Variants in TRIM2 observed in about 807,000 individuals in gnomAD.
TRIM2 encodes tripartite motif containing 2.
Under a neutral mutation model 75.2 loss-of-function variants are expected in TRIM2, and 20 were observed. The ratio of observed to expected loss-of-function variants is 0.27; its 90% CI spans 0.19 to 0.39. TRIM2 has a LOEUF of 0.39. TRIM2 is among the 10% of genes least tolerant of loss of function. TRIM2 has a pLI of 1.00. For synonymous variants in TRIM2, 373 were observed against 388.3 expected (o/e 0.96, Z 0.46); for missense variants, 660 against 990.8 (o/e 0.67, Z 4.48).
At chr4:153,203,667 G>A (rs944546675), upstream of TRIM2, among the ~76,000 whole-genome samples, 46 of 151,866 alleles carry the variant, frequency 3.0e-4, no homozygotes, top group African/African-American at 1.0e-3. Context: ...CAAGGCGGGC[G>A]GATCACTTGA....
At chr4:153,200,724 A>AAAAAATAT (rs1405991305), upstream of TRIM2, among the ~76,000 whole-genome samples, 9 of 138,124 alleles carry the variant, frequency 6.5e-5, no homozygotes, top group African/African-American at 2.1e-4. Flanking sequence ...AAGAAAAAAA[A>AAAAAATAT]ATATATATAT....
intron 1 of TRIM2, among the ~76,000 whole-genome samples, chr4:153,205,510 C>G (rs149022154): frequency 4.8e-4 from 73 of 152,196 alleles, no homozygotes; most frequent in African/African-American, 1.7e-3. Context: ...TCCTCCTCCT[C>G]CTGCTGAAAA....
In TRIM2 at chr4:153,295,258, C is replaced by T. The variant is rs1256055361; in HGVS notation, c.787-55C>T. 1.5e-5 allele frequency: 23 copies of T among 1,488,240 alleles called. No homozygotes were observed. Among genetic ancestry groups the T allele is most frequent in the East Asian group, 4.8e-5 (2 of 41,368 alleles). The allele number at this position is 1,488,240 out of a possible 1,614,324, so 92.2% of individuals were successfully genotyped here. A position where few individuals can be genotyped will look rare whatever the true frequency, so the allele number is the denominator to read the frequency against. ...TTCTCGCCGGTGGAGGGCACTGCCC[C>T]GGGCTAGGCCCCGCCCTGTGGGACG... On this transcript the variant is annotated intron_variant, in intron 5 of 11. Transcript: ENST00000338700. This position sits in a 1 kb window ranked among gnomAD's most constrained non-coding sequence, Gnocchi z 7.2.
chr4:153,276,646 T>C (rs1182748225), intron 3 of TRIM2, among the ~76,000 whole-genome samples: 1 of 152,200 alleles, frequency 6.6e-6, no homozygotes, highest in Non-Finnish European at 1.5e-5. Context: ...ACAATAACTG[T>C]TAGAAGCTCA....
chr4:153,175,032 A>C (rs1384456249), intron 1 of TRIM2, among the ~76,000 whole-genome samples: 1 of 151,168 alleles, frequency 6.6e-6, no homozygotes, highest in Non-Finnish European at 1.5e-5. Flanking sequence ...TTTTTGAGAC[A>C]GAGTTTTGCT....
At chr4:153,152,294 T>C (rs1373863966), upstream of TRIM2, 1 of 151,888 alleles carries the variant, frequency 6.6e-6, no homozygotes, top group African/African-American at 2.4e-5. Flanking sequence ...TGCGGCTGGC[T>C]GGGCCTCGCG....
chr4:153,329,636 G>C (rs1467527867), intron 11 of TRIM2, among the ~76,000 whole-genome samples: 1 of 151,802 alleles, frequency 6.6e-6, no homozygotes, highest in Non-Finnish European at 1.5e-5. Context: ...AGGAGTTCGA[G>C]ACAAGCTCGG....
intron 11 of TRIM2, among the ~76,000 whole-genome samples, chr4:153,329,634 G>A (rs546851778): frequency 4.0e-4 from 61 of 151,808 alleles, no homozygotes; most frequent in African/African-American, 1.5e-3. Context: ...TCAGGAGTTC[G>A]AGACAAGCTC....
At chr4:153,155,903 T>C (rs887904937) in intron 1 of TRIM2, among the ~76,000 whole-genome samples, 1 of 152,142 alleles carries the variant, frequency 6.6e-6, no homozygotes, top group Non-Finnish European at 1.5e-5. Context: ...GCAGGGAGCA[T>C]AGATATCCAA....
intron 1 of TRIM2, among the ~76,000 whole-genome samples, chr4:153,175,256 G>A (rs1298826645): frequency 6.6e-6 from 1 of 151,998 alleles, no homozygotes; most frequent in Admixed American, 6.6e-5. Flanking sequence ...TGCTGACCTC[G>A]TGATCCACCC....
At chr4:153,298,494 C>T (rs1047039407) in intron 6 of TRIM2, among the ~76,000 whole-genome samples, 2 of 152,120 alleles carry the variant, frequency 1.3e-5, no homozygotes, top group Non-Finnish European at 2.9e-5. Context: ...TATAAGAACA[C>T]CAATCATACT....
chr4:153,308,630 C>T (rs1173082532), intron 6 of TRIM2: 2 of 616,110 alleles, frequency 3.2e-6, no homozygotes, highest in Non-Finnish European at 6.3e-6. Context: ...GTCTTGATGG[C>T]CATTTCAATG....
chr4:153,296,165 A>G (rs1011469860), intron 6 of TRIM2, 129 bp downstream of exon 6: 1 of 1,190,584 alleles, frequency 8.4e-7, no homozygotes. Flanking sequence ...ATGTACTGCT[A>G]TAAAATTTGA....
Position 153,268,704 on chromosome 4 carries a change from G to A in TRIM2, c.31-1631G>A, listed in dbSNP as rs1028687281. ...CCAGGAATTCTTTAAGGTGGTAAAA[G>A]GAGCTGTGTTTTGTGTTGTAACTTT... is the stretch of plus-strand genomic sequence containing the variant. On this transcript the variant is annotated intron_variant, in intron 1 of 11. Transcript: ENST00000338700. 4.6e-5 allele frequency among the ~76,000 whole-genome samples: 7 copies of A among 152,270 alleles called. No individual in the cohort carries two copies. The South Asian group carries it at 1.4e-3, about 32-fold the overall frequency.
Position 153,295,976 on chromosome 4 carries a change from A to C in TRIM2, c.1450A>C (p.Met484Leu). 1 of 1,558,330 alleles carries C rather than the reference A, an allele frequency of 6.4e-7. No individual in the cohort carries two copies. The highest frequency in any genetic ancestry group is 8.7e-7 in the Non-Finnish European group (1 of 1,155,376). Residue 484 changes from methionine to leucine, a missense_variant, in exon 6 of 12, where the codon ATG (methionine) becomes CTG (leucine). Around this residue, in one of 2 missense-constraint regions of TRIM2, gnomAD observed 620 missense variants for 891.0 expected, o/e 0.70. Transcript: ENST00000338700. The surrounding 1 kb of genome is among the most constrained non-coding windows in gnomAD (Gnocchi z 7.2). ...GAAAGCTGTGAAAAGACCCGCAAGC[A>C]TGTACAGCACTGGAAAACGAAAAGA... is the stretch of plus-strand genomic sequence containing the variant. ...KQKAVKRPAS[M>L]YSTGKRKENP...
chr4:153,337,217 A>C lies in TRIM2; in HGVS notation c.*2251A>C. On this transcript the variant is annotated 3_prime_UTR_variant, in exon 12 of 12. Coordinates refer to ENST00000338700, the MANE Select transcript of TRIM2 (RefSeq NM_015271.5). ...TTTTCACAAGTAAAAATGGCTTTTT[A>C]TTTAGATTCTTTCTGTCCCAGGCTG... The C allele has an allele frequency of 1.0e-6, 1 of 985,482 alleles. No individual in the cohort carries two copies. The highest frequency in any genetic ancestry group is 1.2e-6 in the Non-Finnish European group (1 of 829,894). The allele number at this position is 985,482 out of a possible 1,614,324, so 61.0% of individuals were successfully genotyped here.
At chr4:153,203,432 CG>C (rs1419613798), upstream of TRIM2, among the ~76,000 whole-genome samples, 1 of 145,012 alleles carries the variant, frequency 6.9e-6, no homozygotes, top group African/African-American at 2.6e-5. Context: ...CACACACACA[CG>C]AAGAAGAACA....
At chr4:153,271,567 G>A (rs949095155) in intron 2 of TRIM2, among the ~76,000 whole-genome samples, 1 of 152,066 alleles carries the variant, frequency 6.6e-6, no homozygotes, top group African/African-American at 2.4e-5. Flanking sequence ...TTGGGTTGTT[G>A]TGGGGTTTTG....
At chr4:153,314,292 C>T (rs1035737731) in intron 6 of TRIM2, among the ~76,000 whole-genome samples, 33 of 145,424 alleles carry the variant, frequency 2.3e-4, no homozygotes, top group South Asian at 1.3e-3. Context: ...TAGTGGCGGG[C>T]GCCTGTAGTC....
Sources: gnomAD v4.1 joint callset for allele counts (sites outside exome capture counted in the v4.1 genomes callset) on GRCh38, gnomAD v4.1.1 for gene constraint, gnomAD v4.1.1 regional missense constraint, Gnocchi (gnomAD v3.1) non-coding constraint, MANE v1.5 for transcripts, NCBI Gene and HGNC (gene_info 2026-07-23, HGNC 2026-07-21) for gene names.